Variants in ABCC9 observed in about 807,000 individuals in gnomAD.
The protein encoded by ABCC9 is ATP-binding cassette sub-family C member 9.
Under a neutral mutation model 188.3 loss-of-function variants are expected in ABCC9, and 95 were observed. The ratio of observed to expected loss-of-function variants is 0.50; its 90% CI spans 0.43 to 0.60. The LOEUF (loss-of-function observed/expected upper bound fraction) is 0.60, where lower values mean the gene tolerates loss of function less well. ABCC9 is among the 20% of genes least tolerant of loss of function. The pLI is 0.00. For missense variants in ABCC9, 1,102 were observed against 1,876.3 expected, an observed-to-expected ratio of 0.59 and a Z score of 7.62; for synonymous variants, 659 against 652.7, an observed-to-expected ratio of 1.01 and a Z score of -0.15.
chr12:21,925,766 T>A (rs1208439263), intron 5 of ABCC9, among the ~76,000 whole-genome samples, 176 bp downstream of exon 5: 1 of 152,062 alleles, frequency 6.6e-6, no homozygotes, highest in Non-Finnish European at 1.5e-5. Flanking sequence ...CAACTCAGCT[T>A]ATCTTCAACC....
chr12:21,817,118 T>G, intron 33 of ABCC9, 69 bp downstream of exon 33: 1 of 1,541,914 alleles, frequency 6.5e-7, no homozygotes, highest in Non-Finnish European at 8.9e-7. Flanking sequence ...AACAACAATG[T>G]GCCCAACAAA....
At chr12:21,889,730 G>A (rs2137704984) in intron 14 of ABCC9, among the ~76,000 whole-genome samples, 1 of 152,184 alleles carries the variant, frequency 6.6e-6, no homozygotes, top group South Asian at 2.1e-4. Context: ...GAATAAATGA[G>A]CCCCACTCTT....
At chr12:21,816,040 T>TTG (rs1405531222) in intron 33 of ABCC9, 147 bp from the exon 34 acceptor site, 1 of 17,456 alleles carries the variant, frequency 5.7e-5, no homozygotes. Context: ...GTGGCAGTTT[T>TTG]TTTTTTTTTT....
chr12:21,934,123 G>C (rs143164193), intron 3 of ABCC9, among the ~76,000 whole-genome samples, 200 bp from the exon 4 acceptor site: 1 of 152,004 alleles, frequency 6.6e-6, no homozygotes, highest in Non-Finnish European at 1.5e-5. Flanking sequence ...AGACTACTCA[G>C]GCTAACACAT....
At chr12:21,850,451 C>T (rs1282354519) in intron 24 of ABCC9, among the ~76,000 whole-genome samples, 1 of 152,070 alleles carries the variant, frequency 6.6e-6, no homozygotes, top group East Asian at 1.9e-4. Context: ...TTCATTCTGG[C>T]TTCTACTGGC....
chr12:21,916,051 A>G (rs571336339), intron 6 of ABCC9, 141 bp from the exon 7 acceptor site: 2 of 826,478 alleles, frequency 2.4e-6, no homozygotes, highest in South Asian at 3.7e-5. Context: ...CCCTTTCTGA[A>G]ATATTCTTTG....
intron 16 of ABCC9, among the ~76,000 whole-genome samples, chr12:21,882,122 G>C (rs1479264605): frequency 1.3e-5 from 2 of 152,142 alleles, no homozygotes; most frequent in Non-Finnish European, 2.9e-5. Context: ...CAGGAGAATT[G>C]GATATCCTCC....
chr12:21,909,632 A>G (rs751011338), intron 10 of ABCC9, among the ~76,000 whole-genome samples: 3 of 151,946 alleles, frequency 2.0e-5, no homozygotes, highest in Non-Finnish European at 4.4e-5. Flanking sequence ...ATTTTGCAAT[A>G]TACTAACTAT....
intron 19 of ABCC9, 78 bp from the exon 20 acceptor site, chr12:21,863,132 G>A: frequency 1.0e-6 from 1 of 955,712 alleles, no homozygotes; most frequent in Middle Eastern, 2.6e-4. Context: ...ACTATAAATA[G>A]GGGAAATAAA....
chr12:21,896,657 TGTG>T (rs1476473650), intron 12 of ABCC9, among the ~76,000 whole-genome samples: 1 of 152,126 alleles, frequency 6.6e-6, no homozygotes, highest in Non-Finnish European at 1.5e-5. Flanking sequence ...GGTGAGAACA[TGTG>T]GTGTTTGGTT....
rs568030925 is a variant in ABCC9 at position 21,799,583 on chromosome 12, A to G, written c.*1461T>C. On this transcript the variant is annotated 3_prime_UTR_variant, in exon 40 of 40. Coordinates refer to ENST00000261200, the MANE Select transcript of ABCC9 (RefSeq NM_020297.4). ...TTGTGGAACTTATTTTTTTGTAAATATAAAGATTAAATATTCAGGTGAAGA... is the reference window on the plus strand; with the variant it reads ...TTGTGGAACTTATTTTTTTGTAAATGTAAAGATTAAATATTCAGGTGAAGA... 23 of 152,346 alleles carry G rather than the reference A, an allele frequency of 1.5e-4. No homozygotes were observed. The highest frequency in any genetic ancestry group is 2.9e-4 in the Non-Finnish European group (20 of 68,022). The allele number at this position is 152,346 out of a possible 1,614,324, so 9.4% of individuals were successfully genotyped here.
At chr12:21,870,596 T>C (rs1946020383) in intron 18 of ABCC9, among the ~76,000 whole-genome samples, 2 of 152,188 alleles carry the variant, frequency 1.3e-5, no homozygotes, top group South Asian at 4.1e-4. Flanking sequence ...AAAATCAATC[T>C]CTACTGAGTA....
At chr12:21,832,979 G>T (rs1943859741) in intron 30 of ABCC9, among the ~76,000 whole-genome samples, 1 of 152,144 alleles carries the variant, frequency 6.6e-6, no homozygotes, top group Non-Finnish European at 1.5e-5. Context: ...TCAGCAACCT[G>T]GATGGAATTG....
rs1555117063 is a variant in ABCC9, at chr12:21,917,062, T to C, written c.448A>G (p.Ile150Val). 1.2e-6 allele frequency: 2 copies of C among 1,613,854 alleles called. No individual in the cohort carries two copies. The highest frequency in any genetic ancestry group is 1.7e-6 in the Non-Finnish European group (2 of 1,179,830). The change falls in exon 6 of 40, where the codon ATA (isoleucine) becomes GTA (valine). Residue 150 changes from isoleucine (I) to valine (V), a missense_variant. Transcript: ENST00000261200. ...GACTGACAGTACTTAACCAATTTTA[T>C]TGTTTTTGTAATAAAGGCCATTACC... ...YWVMAFITKT[I>V]KLVKYCQSGL...
chr12:21,897,537 C>T (rs1438254510), intron 12 of ABCC9, among the ~76,000 whole-genome samples: 2 of 152,188 alleles, frequency 1.3e-5, no homozygotes, highest in Non-Finnish European at 2.9e-5. Context: ...TTAATCTTTA[C>T]AATCCTACAT....
chr12:21,898,253 T>C (rs2137770824), intron 12 of ABCC9, among the ~76,000 whole-genome samples: 1 of 152,358 alleles, frequency 6.6e-6, no homozygotes, highest in Non-Finnish European at 1.5e-5. Flanking sequence ...TGGCAATAAT[T>C]GGCTAAGTAT....
intron 39 of ABCC9, chr12:21,805,461 A>C: frequency 2.8e-6 from 2 of 713,512 alleles, no homozygotes; most frequent in South Asian, 1.7e-5. Flanking sequence ...GGACTACTGT[A>C]AGTGAGCTAT....
At chr12:21,910,127 C>G (rs773043814) in intron 10 of ABCC9, 30 bp downstream of exon 10, 1 of 1,592,394 alleles carries the variant, frequency 6.3e-7, no homozygotes, top group East Asian at 2.2e-5. Flanking sequence ...CCTCTGCAGA[C>G]AAAAATCTTA....
chr12:21,881,111 G>C (rs1946595035), intron 16 of ABCC9, among the ~76,000 whole-genome samples: 1 of 151,964 alleles, frequency 6.6e-6, no homozygotes, highest in African/African-American at 2.4e-5. Flanking sequence ...AGCAAGCATA[G>C]CAAGAATAAT....
Sources: gnomAD v4.1 joint callset for allele counts (sites outside exome capture counted in the v4.1 genomes callset) on GRCh38, gnomAD v4.1.1 for gene constraint, MANE v1.5 for transcripts, NCBI Gene and HGNC (gene_info 2026-07-23, HGNC 2026-07-21) for gene names.